Variants in ACSM5 observed in about 807,000 individuals in gnomAD.
ACSM5 encodes the protein acyl-CoA synthetase medium chain family member 5.
Under a neutral mutation model 71.6 loss-of-function variants are expected in ACSM5, and 56 were observed. The ratio of observed to expected loss-of-function variants is 0.78; its 90% confidence interval spans 0.63 to 0.98. The LOEUF is 0.98. ACSM5 is among the 50% of genes least tolerant of loss of function. ACSM5 has a pLI of 0.00. For synonymous variants in ACSM5, 285 were observed against 281.5 expected, an observed-to-expected ratio of 1.01 and a Z score of -0.12; for missense variants, 723 against 726.0, an observed-to-expected ratio of 1.00 and a Z score of 0.05.
chr16:20,416,809 G>T (rs1363016326), intron 2 of ACSM5, among the ~76,000 whole-genome samples: 1 of 151,966 alleles, frequency 6.6e-6, no homozygotes, highest in East Asian at 1.9e-4. Flanking sequence ...TTGGTTAAGG[G>T]TCTAGTATCT....
At chr16:20,421,744 C>A (rs1966887090) in intron 5 of ACSM5, among the ~76,000 whole-genome samples, 1 of 149,700 alleles carries the variant, frequency 6.7e-6, no homozygotes, top group South Asian at 2.1e-4. Flanking sequence ...TTTAAGTGTA[C>A]AGTTTAATGT....
chr16:20,420,520 A>C (rs1288971179), intron 4 of ACSM5, among the ~76,000 whole-genome samples: 1 of 152,178 alleles, frequency 6.6e-6, no homozygotes, highest in African/African-American at 2.4e-5. Context: ...GAATCACTTG[A>C]ACCCGGGAGG....
At chr16:20,429,637 A>G (rs1283499954) in intron 7 of ACSM5, 41 bp from the exon 8 acceptor site, 1 of 1,612,644 alleles carries the variant, frequency 6.2e-7, no homozygotes, top group Non-Finnish European at 8.5e-7. Flanking sequence ...GGTGATATGA[A>G]GATCCTGACA....
chr16:20,423,277 C>T (rs1966914182), intron 5 of ACSM5, among the ~76,000 whole-genome samples: 1 of 152,178 alleles, frequency 6.6e-6, no homozygotes, highest in South Asian at 2.1e-4. Context: ...GTGCGCGTGT[C>T]CCAGGATTCA....
At chr16:20,413,328 G>A (rs997389987) in intron 2 of ACSM5, among the ~76,000 whole-genome samples, 18 of 152,248 alleles carry the variant, frequency 1.2e-4, no homozygotes, top group African/African-American at 2.6e-4. Context: ...GGTGCATCAC[G>A]GCAACCATTA....
chr16:20,411,665 G>C lies in ACSM5; in HGVS notation c.181G>C (p.Asp61His). ...CTTCAACTTCGCCCATGATGTGCTG[G>C]ATGTGTGGAGTCGGCTGGAAGAGGT... The part of the protein sequence containing the change: ...EYFNFAHDVL[D>H]VWSRLEEAGH... Residue 61 changes from aspartate to histidine, a missense_variant, in exon 2 of 14, where the codon GAT (aspartate) becomes CAT (histidine). Coordinates refer to ENST00000331849, the MANE Select transcript of ACSM5 (RefSeq NM_017888.3). The C allele has an allele frequency of 6.2e-7, 1 of 1,614,102 alleles. No homozygotes were observed. The highest frequency in any genetic ancestry group is 8.5e-7 in the Non-Finnish European group (1 of 1,180,026).
In ACSM5 at chr16:20,421,298, C is replaced by G. The variant is rs543757679; in HGVS notation, c.664C>G (p.Arg222Gly). 5 of 1,606,702 alleles carry G rather than the reference C, an allele frequency of 3.1e-6. No individual in the cohort carries two copies. Among genetic ancestry groups the G allele is most frequent in the Admixed American group, 1.7e-5 (1 of 59,256 alleles). ...TEHNCMRTKS[R>G]DPLAIYFTSG... ...GCACAACTGCATGAGGACAAAGAGT[C>G]GAGACCCGCTGGCCATCTACTTTAC... The change falls in exon 5 of 14, where the codon CGA becomes GGA. Residue 222 changes from arginine (R) to glycine (G), a missense_variant. Coordinates refer to ENST00000331849, the MANE Select transcript of ACSM5 (RefSeq NM_017888.3).
chr16:20,432,530 A>T (rs1489592200), intron 10 of ACSM5, among the ~76,000 whole-genome samples: 1 of 152,222 alleles, frequency 6.6e-6, no homozygotes, highest in Non-Finnish European at 1.5e-5. Context: ...CCAAGCTGAG[A>T]TCATGTTAAC....
rs143599125 is a variant in ACSM5, at chr16:20,437,505, A to G, written c.1536+138A>G. On this transcript the variant is annotated intron_variant, in intron 12 of 13. Transcript: ENST00000331849. ...AAGTTGAAATGCCACCATCAGACAC[A>G]CGTTGCCTTCATGTCTTTAGAGATA... 1.6e-3 allele frequency: 1,085 copies of G among 685,602 alleles called. 3 individuals carry two copies. The highest frequency in any genetic ancestry group is 2.9e-3 in the Middle Eastern group (7 of 2,438). The allele number at this position is 685,602 out of a possible 1,614,324, so 42.5% of individuals were successfully genotyped here.
Position 20,441,017 on chromosome 16 carries a change from A to C in ACSM5, c.*590A>C, listed in dbSNP as rs1967321719. The C allele has an allele frequency of 6.6e-6, 1 of 152,288 alleles. No homozygotes were observed. The highest frequency in any genetic ancestry group is 1.5e-5 in the Non-Finnish European group (1 of 68,112). 9.4% of individuals were successfully genotyped at this position (152,288 alleles called of 1,614,324 possible). On this transcript the variant is annotated 3_prime_UTR_variant, in exon 14 of 14. Coordinates refer to ENST00000331849, the MANE Select transcript of ACSM5 (RefSeq NM_017888.3). Reference sequence around the variant, plus strand: ...CAAACAACAAGGAAATGATTAACAAAATTGTAGTAGATTAACTCAATTACA... The same window carrying C: ...CAAACAACAAGGAAATGATTAACAACATTGTAGTAGATTAACTCAATTACA...
intron 11 of ACSM5, 38 bp from the exon 12 acceptor site, chr16:20,437,230 G>A: frequency 3.1e-6 from 5 of 1,612,598 alleles, no homozygotes; most frequent in Non-Finnish European, 4.2e-6. Flanking sequence ...TGGGGGTTGA[G>A]GGAAGCCCAC....
intron 10 of ACSM5, among the ~76,000 whole-genome samples, chr16:20,434,141 T>A (rs1356916892): frequency 6.6e-6 from 1 of 152,168 alleles, no homozygotes; most frequent in African/African-American, 2.4e-5. Flanking sequence ...ATCATTAAGT[T>A]TTTAAATGTT....
intron 4 of ACSM5, among the ~76,000 whole-genome samples, chr16:20,420,336 C>T (rs910372648): frequency 4.6e-5 from 7 of 152,216 alleles, no homozygotes; most frequent in African/African-American, 9.6e-5. Context: ...CGCCATGGCT[C>T]ACGCCTGTAA....
intron 10 of ACSM5, among the ~76,000 whole-genome samples, chr16:20,433,946 T>C (rs1442961761): frequency 6.6e-6 from 1 of 151,854 alleles, no homozygotes; most frequent in African/African-American, 2.4e-5. Flanking sequence ...CAAAATGCTA[T>C]GATTACAGGC....
Position 20,440,880 on chromosome 16 carries a change from C to T in ACSM5, c.*453C>T, listed in dbSNP as rs541171994. 5.9e-5 allele frequency: 9 copies of T among 153,308 alleles called. No homozygotes were observed. The highest frequency in any genetic ancestry group is 5.8e-4 in the East Asian group (3 of 5,208). The allele number at this position is 153,308 out of a possible 1,614,324, so 9.5% of individuals were successfully genotyped here. A position where few individuals can be genotyped will look rare whatever the true frequency, so the allele number is the denominator to read the frequency against. On this transcript the variant is annotated 3_prime_UTR_variant, in exon 14 of 14. Transcript: ENST00000331849. ...TCCTTTAGCTCAGAAATTCTATCTT[C>T]GGGAGTCACCACAAAAGAAAAAAAT...
intron 6 of ACSM5, among the ~76,000 whole-genome samples, chr16:20,424,886 A>G (rs2141650992): frequency 6.6e-6 from 1 of 152,366 alleles, no homozygotes; most frequent in African/African-American, 2.4e-5. Flanking sequence ...GTAGGTGTAT[A>G]TATTTATGGG....
chr16:20,429,556 A>G, intron 7 of ACSM5, 122 bp from the exon 8 acceptor site: 1 of 1,332,122 alleles, frequency 7.5e-7, no homozygotes, highest in Non-Finnish European at 1.1e-6. Context: ...CTTAGAGAAG[A>G]TTAAAAAGCA....
chr16:20,419,210 C>G lies in ACSM5; in HGVS notation c.416-18C>G, dbSNP rs1401102882. 6.2e-7 allele frequency: 1 copy of G among 1,613,832 alleles called. No homozygotes were observed. Among genetic ancestry groups the G allele is most frequent in the Non-Finnish European group, 8.5e-7 (1 of 1,179,764 alleles). On this transcript the variant is annotated intron_variant, in intron 3 of 13. Transcript: ENST00000331849. ...CTTCCCCGCTATCCACTCAACATCC[C>G]CTTCTGTTTTATGCCAGGGACTGTG...
chr16:20,416,285 GAA>G (rs564038496), intron 2 of ACSM5, among the ~76,000 whole-genome samples: 115 of 114,824 alleles, frequency 1.0e-3, no homozygotes, highest in Middle Eastern at 4.7e-3. Context: ...AAACAGCCTT[GAA>G]AAAAAAAAAA....
Sources: gnomAD v4.1 joint callset for allele counts (sites outside exome capture counted in the v4.1 genomes callset) on GRCh38, gnomAD v4.1.1 for gene constraint, MANE v1.5 for transcripts, NCBI Gene and HGNC (gene_info 2026-07-23, HGNC 2026-07-21) for gene names.